RBMS3: variants seen among roughly 807,000 people sequenced by gnomAD.
RBMS3 encodes RNA-binding motif, single-stranded-interacting protein 3.
Under a neutral mutation model 66.8 loss-of-function variants are expected in RBMS3, and 27 were observed. The ratio of observed to expected loss-of-function variants is 0.40; its 90% confidence interval spans 0.30 to 0.56. The LOEUF (loss-of-function observed/expected upper bound fraction) is 0.56, where lower values mean the gene tolerates loss of function less well. RBMS3 is among the 20% of genes least tolerant of loss of function. RBMS3 has a pLI of 0.40. For synonymous variants in RBMS3, 188 were observed against 183.0 expected (o/e 1.03, Z -0.22); for missense variants, 513 against 549.5 (o/e 0.93, Z 0.66).
chr3:29,301,707 T>C (rs1383232121), intron 1 of RBMS3, among the ~76,000 whole-genome samples: 1 of 152,060 alleles, frequency 6.6e-6, no homozygotes, highest in Non-Finnish European at 1.5e-5. Flanking sequence ...TGGGATTTGT[T>C]TCTGAAGTTG....
intron 13 of RBMS3, among the ~76,000 whole-genome samples, chr3:29,990,618 T>G (rs908372965): frequency 6.6e-6 from 1 of 152,178 alleles, no homozygotes; most frequent in African/African-American, 2.4e-5. Context: ...AAAATCTACT[T>G]AATAGCATCC....
rs2055697465 is a variant in RBMS3 at position 29,761,715 on chromosome 3, T to C, written c.558-1195T>C. 2.0e-5 allele frequency among the ~76,000 whole-genome samples: 3 copies of C among 152,294 alleles called. No individual in the cohort carries two copies. In the South Asian group the frequency reaches 6.2e-4, roughly 32 times the overall value. On this transcript the variant is annotated intron_variant, in intron 5 of 14. Transcript: ENST00000383767. ...ATAATATGGCCATGTAATATGGTCC[T>C]GAAATGGACATAAAATTTAGATGTA...
chr3:29,466,195 C>G (rs2042535666), intron 2 of RBMS3, among the ~76,000 whole-genome samples: 1 of 151,854 alleles, frequency 6.6e-6, no homozygotes, highest in Non-Finnish European at 1.5e-5. Context: ...CACACCAATG[C>G]CAATTAAAGA....
At chr3:29,446,190 T>C (rs2041825535) in intron 2 of RBMS3, among the ~76,000 whole-genome samples, 1 of 152,184 alleles carries the variant, frequency 6.6e-6, no homozygotes, top group South Asian at 2.1e-4. Context: ...CACTTACTCA[T>C]TGTGAAATCT....
chr3:29,492,027 C>A (rs1575996172), intron 3 of RBMS3, among the ~76,000 whole-genome samples: 2 of 152,034 alleles, frequency 1.3e-5, no homozygotes, highest in Admixed American at 6.6e-5. Context: ...CCATTTAGAC[C>A]GTTTGCCCTG....
intron 4 of RBMS3, among the ~76,000 whole-genome samples, chr3:29,612,151 A>G (rs2048514896): frequency 6.6e-6 from 1 of 152,094 alleles, no homozygotes; most frequent in Non-Finnish European, 1.5e-5. Flanking sequence ...ACCAAAGTTA[A>G]CTATTGATTG....
chr3:29,339,409 A>G (rs778233832), intron 1 of RBMS3, among the ~76,000 whole-genome samples: 1 of 152,102 alleles, frequency 6.6e-6, no homozygotes, highest in Non-Finnish European at 1.5e-5. Context: ...GTCCTCGCAG[A>G]TGTGGAATTT....
Position 30,004,107 on chromosome 3 carries a change from GAAGAGGAAAAAAAAA to G in RBMS3, c.*246_*260del. On this transcript the variant is annotated 3_prime_UTR_variant, in exon 15 of 15. Transcript: ENST00000383767. ...TTTTTAATTAAAGAAAAAATTTCCAGAAGAGGAAAAAAAAACTACAAAAAACAAAACATTGAAGGT... is the reference window on the plus strand; with the variant it reads ...TTTTTAATTAAAGAAAAAATTTCCAGCTACAAAAAACAAAACATTGAAGGT... The G allele has an allele frequency of 3.0e-6, 1 of 328,050 alleles. No homozygotes were observed. The highest frequency in any genetic ancestry group is 4.5e-5 in the East Asian group (1 of 22,272). 20.3% of individuals were successfully genotyped at this position (328,050 alleles called of 1,614,324 possible).
At chr3:29,595,104 T>G (rs1276594210) in intron 4 of RBMS3, among the ~76,000 whole-genome samples, 1 of 152,024 alleles carries the variant, frequency 6.6e-6, no homozygotes, top group African/African-American at 2.4e-5. Flanking sequence ...CTTTTCAACC[T>G]ATAAGAAATA....
intron 6 of RBMS3, among the ~76,000 whole-genome samples, chr3:29,829,250 G>T (rs776487716): frequency 3.9e-5 from 6 of 151,988 alleles, no homozygotes; most frequent in Non-Finnish European, 8.8e-5. Flanking sequence ...TCGCCATATT[G>T]GTCAGGCTGG....
chr3:29,613,961 CA>C (rs1357953304), intron 4 of RBMS3, among the ~76,000 whole-genome samples: 1 of 152,098 alleles, frequency 6.6e-6, no homozygotes, highest in African/African-American at 2.4e-5. Context: ...TGTGATCCAG[CA>C]ATCCCGCTGC....
In RBMS3 at chr3:29,338,758, TTTG is replaced by T. The variant is rs566142826; in HGVS notation, c.75+57005_75+57007del. 4.8e-3 allele frequency among the ~76,000 whole-genome samples: 726 copies of T among 149,950 alleles called. 5 individuals are homozygous for T. Among genetic ancestry groups the T allele is most frequent in the Non-Finnish European group, 8.2e-3 (554 of 67,506 alleles). On this transcript the variant is annotated intron_variant, in intron 1 of 14. Coordinates refer to ENST00000383767, the MANE Select transcript of RBMS3 (RefSeq NM_001003793.3). ...TTCCTCATCCTTATTCCATAAATAA[TTTG>T]TTATTATTATTATTATATAAATAAT...
In RBMS3 at chr3:29,547,370, A is replaced by T. The variant is rs55654508; in HGVS notation, c.308-39744A>T. On this transcript the variant is annotated intron_variant, in intron 3 of 14. Coordinates refer to ENST00000383767, the MANE Select transcript of RBMS3 (RefSeq NM_001003793.3). ...TCACTCATTATCACTATTCACCAAT[A>T]CATTGTAGGTAGTAACTTGCTTCTC... Among the ~76,000 whole-genome samples the T allele has an allele frequency of 1.6e-3, 246 of 152,304 alleles. 1 individual carries two copies. The highest frequency in any genetic ancestry group is 5.0e-3 in the Admixed American group (77 of 15,298).
chr3:29,469,265 T>G (rs749647311), intron 2 of RBMS3, among the ~76,000 whole-genome samples: 27 of 152,088 alleles, frequency 1.8e-4, no homozygotes, highest in South Asian at 2.1e-4. Context: ...GGTAAGGCTG[T>G]GGAGAAACTA....
intron 6 of RBMS3, among the ~76,000 whole-genome samples, chr3:29,843,866 T>C (rs1364225520): frequency 6.6e-6 from 1 of 151,956 alleles, no homozygotes; most frequent in Non-Finnish European, 1.5e-5. Context: ...CAAGAATCAC[T>C]TGAACCGGGA....
intron 10 of RBMS3, among the ~76,000 whole-genome samples, chr3:29,911,983 CTAGATAGATAGA>C (rs3072653): frequency 1.4e-5 from 2 of 141,534 alleles, no homozygotes; most frequent in African/African-American, 5.2e-5. Flanking sequence ...TACATAATAG[CTAGATAGATAGA>C]TAGATAGATA....
At chr3:29,315,115 C>T in intron 1 of RBMS3, among the ~76,000 whole-genome samples, 1 of 151,732 alleles carries the variant, frequency 6.6e-6, no homozygotes, top group Admixed American at 6.6e-5. Flanking sequence ...ACACTATTGG[C>T]ACCATTGAAA....
chr3:29,398,788 G>C (rs1256792679), intron 1 of RBMS3, among the ~76,000 whole-genome samples: 3 of 152,082 alleles, frequency 2.0e-5, no homozygotes, highest in Non-Finnish European at 4.4e-5. Context: ...AAAACTAAAA[G>C]TGCGAACCTC....
intron 4 of RBMS3, among the ~76,000 whole-genome samples, chr3:29,702,585 C>T (rs920405910): frequency 1.3e-5 from 2 of 152,202 alleles, no homozygotes; most frequent in African/African-American, 4.8e-5. Flanking sequence ...CTGTAACTCA[C>T]CACAAAGGTC....
Sources: gnomAD v4.1 joint callset for allele counts (sites outside exome capture counted in the v4.1 genomes callset) on GRCh38, gnomAD v4.1.1 for gene constraint, MANE v1.5 for transcripts, NCBI Gene and HGNC (gene_info 2026-07-23, HGNC 2026-07-21) for gene names.